Variants in RNF182 observed in about 807,000 individuals in gnomAD.
RNF182 encodes the protein E3 ubiquitin-protein ligase RNF182.
A neutral mutation model predicts 14.4 loss-of-function variants in RNF182; 15 were observed. That is an observed-to-expected ratio of 1.04 (90% CI 0.70 to 1.60). RNF182 has a LOEUF of 1.60. Among genes scored for constraint, RNF182 ranks in the 40% most tolerant of loss-of-function variants. The pLI is 0.00. For synonymous variants in RNF182, 128 were observed against 122.9 expected, an observed-to-expected ratio of 1.04 and a Z score of -0.27; for missense variants, 268 against 294.8, an observed-to-expected ratio of 0.91 and a Z score of 0.67.
chr6:13,940,867 GTTT>G (rs1225951086), intron 1 of RNF182, among the ~76,000 whole-genome samples: 1 of 151,796 alleles, frequency 6.6e-6, no homozygotes, highest in African/African-American at 2.4e-5. Context: ...ATTTCCAACG[GTTT>G]AGGATATTCT....
At chr6:13,962,374 C>T (rs1316201865) in intron 1 of RNF182, among the ~76,000 whole-genome samples, 1 of 152,160 alleles carries the variant, frequency 6.6e-6, no homozygotes, top group Admixed American at 6.5e-5. Flanking sequence ...AGCGTAAAAA[C>T]CAATGTTCTG....
chr6:13,967,588 G>A (rs1192170734), intron 1 of RNF182, among the ~76,000 whole-genome samples: 1 of 151,956 alleles, frequency 6.6e-6, no homozygotes, highest in East Asian at 1.9e-4. Flanking sequence ...ACCACAAAGA[G>A]CACCATAATA....
At chr6:13,964,021 A>G (rs986800267) in intron 1 of RNF182, among the ~76,000 whole-genome samples, 3 of 152,122 alleles carry the variant, frequency 2.0e-5, no homozygotes, top group Admixed American at 6.5e-5. Context: ...AAAACAGTTC[A>G]AGATCCAAAC....
intron 1 of RNF182, among the ~76,000 whole-genome samples, chr6:13,934,022 A>C (rs1759043123): frequency 1.3e-5 from 2 of 152,186 alleles, no homozygotes; most frequent in Admixed American, 6.5e-5. Context: ...GGTCTCAAAA[A>C]CAGGAAAAAA....
intron 1 of RNF182, among the ~76,000 whole-genome samples, chr6:13,965,332 C>T (rs1759995256): frequency 6.6e-6 from 1 of 151,784 alleles, no homozygotes; most frequent in South Asian, 2.1e-4. Flanking sequence ...GAAAATAGAT[C>T]CAGGAAATAT....
At chr6:13,924,742 T>G (rs1758766817), upstream of RNF182, 4 of 151,448 alleles carry the variant, frequency 2.6e-5, no homozygotes, top group Middle Eastern at 3.4e-3. Flanking sequence ...AAACAGGCGG[T>G]TTGTGAGGGA....
intron 1 of RNF182, among the ~76,000 whole-genome samples, chr6:13,942,127 C>T (rs1172004982): frequency 2.0e-5 from 3 of 151,930 alleles, no homozygotes; most frequent in Non-Finnish European, 4.4e-5. Flanking sequence ...ATTTCATTGT[C>T]CTCTGTTTTC....
chr6:13,958,311 G>A (rs1164708349), intron 1 of RNF182, among the ~76,000 whole-genome samples: 3 of 151,950 alleles, frequency 2.0e-5, no homozygotes, highest in Admixed American at 6.6e-5. Flanking sequence ...GCCTGAACCC[G>A]GGAGAGGGAG....
chr6:13,932,456 A>G (rs2113581127), intron 1 of RNF182, among the ~76,000 whole-genome samples: 1 of 152,320 alleles, frequency 6.6e-6, no homozygotes, highest in South Asian at 2.1e-4. Flanking sequence ...TCATTTATGA[A>G]CTTAGTTAAA....
intron 1 of RNF182, among the ~76,000 whole-genome samples, chr6:13,966,383 C>T (rs1476547315): frequency 6.6e-6 from 1 of 152,234 alleles, no homozygotes; most frequent in South Asian, 2.1e-4. Flanking sequence ...ACAGCCTTTA[C>T]ATTAAAGGTG....
Position 13,978,766 on chromosome 6 carries a change from T to G in RNF182, c.*903T>G, listed in dbSNP as rs1397566301. 1 of 167,028 alleles carries G rather than the reference T, an allele frequency of 6.0e-6. No homozygotes were observed. The highest frequency in any genetic ancestry group is 1.5e-5 in the Non-Finnish European group (1 of 68,120). 10.3% of individuals were successfully genotyped at this position (167,028 alleles called of 1,614,324 possible). A position where few individuals can be genotyped will look rare whatever the true frequency, so the allele number is the denominator to read the frequency against. ...TTAGTTGCTATAAATTCATCAATAC[T>G]TTTTTTCCCTATTATATTTTTGGTT... On this transcript the variant is annotated 3_prime_UTR_variant, in exon 3 of 3. Coordinates refer to ENST00000488300, the MANE Select transcript of RNF182 (RefSeq NM_152737.4).
intron 2 of RNF182, among the ~76,000 whole-genome samples, chr6:13,976,233 C>T (rs140882426): frequency 3.3e-5 from 5 of 152,238 alleles, no homozygotes; most frequent in South Asian, 2.1e-4. Context: ...ATGCTTATAT[C>T]GGGTGTTATA....
rs905392364 is a variant in RNF182 at position 13,925,008 on chromosome 6, G to A, written c.-382G>A. 3 of 14,442 alleles carry A rather than the reference G, an allele frequency of 2.1e-4. No individual in the cohort carries two copies. Among genetic ancestry groups the A allele is most frequent in the African/African-American group, 8.2e-4 (3 of 3,668 alleles). The allele number at this position is 14,442 out of a possible 1,614,324, so 0.9% of individuals were successfully genotyped here. A position where few individuals can be genotyped will look rare whatever the true frequency, so the allele number is the denominator to read the frequency against. On this transcript the variant is annotated 5_prime_UTR_variant, in exon 1 of 3. Transcript: ENST00000488300. ...CAGCCGGAGCGGCTCCCGGGCCCTG[G>A]GCCGCCGCCGGCCAGGTAAGGCGAT...
chr6:13,934,619 A>C (rs547940165), intron 1 of RNF182, among the ~76,000 whole-genome samples: 1 of 152,290 alleles, frequency 6.6e-6, no homozygotes, highest in Admixed American at 6.5e-5. Context: ...GTAGTTTGCC[A>C]TTTAGATAGG....
intron 1 of RNF182, among the ~76,000 whole-genome samples, chr6:13,964,163 A>C (rs761499214): frequency 1.3e-5 from 2 of 152,162 alleles, no homozygotes; most frequent in African/African-American, 4.8e-5. Flanking sequence ...CTTGAAAGGC[A>C]TTATTTAGGA....
At chr6:13,940,982 A>G (rs1372766209) in intron 1 of RNF182, among the ~76,000 whole-genome samples, 1 of 152,014 alleles carries the variant, frequency 6.6e-6, no homozygotes, top group Non-Finnish European at 1.5e-5. Context: ...TGGCCTGGAT[A>G]TGATCATTTT....
intron 1 of RNF182, among the ~76,000 whole-genome samples, chr6:13,973,783 G>A (rs1379131207): frequency 6.6e-6 from 1 of 152,120 alleles, no homozygotes; most frequent in African/African-American, 2.4e-5. Flanking sequence ...CATGAGAATG[G>A]ACTAATAAAC....
intron 1 of RNF182, among the ~76,000 whole-genome samples, chr6:13,957,066 G>A (rs758746522): frequency 6.6e-6 from 1 of 152,188 alleles, no homozygotes. Context: ...AAACTAGAGT[G>A]ACTCCATCTT....
At chr6:13,934,793 C>A (rs1257014420) in intron 1 of RNF182, among the ~76,000 whole-genome samples, 2 of 137,296 alleles carry the variant, frequency 1.5e-5, no homozygotes, top group Non-Finnish European at 3.2e-5. Context: ...ATAATTAATG[C>A]AAATGAGTGG....
Sources: allele counts gnomAD v4.1 joint callset (sites outside exome capture counted in the v4.1 genomes callset), GRCh38; gene constraint gnomAD v4.1.1; transcripts MANE v1.5; gene names NCBI Gene and HGNC (gene_info 2026-07-23, HGNC 2026-07-21).